Variants in ERC1 observed in about 807,000 individuals in gnomAD.
ERC1 encodes the protein ELKS/RAB6-interacting/CAST family member 1, also known as RAB6 interacting protein 2.
In ERC1, 56 loss-of-function variants were observed where a neutral mutation model predicts 132.0. That is an observed-to-expected ratio of 0.42 (90% CI 0.34 to 0.53). The LOEUF (loss-of-function observed/expected upper bound fraction) is 0.53, where lower values mean the gene tolerates loss of function less well. Among genes scored for constraint, ERC1 ranks in the 20% least tolerant of loss-of-function variants. ERC1 has a pLI of 0.03. For missense variants in ERC1, 1,202 were observed against 1,349.9 expected, an observed-to-expected ratio of 0.89 and a Z score of 1.72; for synonymous variants, 478 against 476.1, an observed-to-expected ratio of 1.00 and a Z score of -0.05.
intron 18 of ERC1, among the ~76,000 whole-genome samples, chr12:1,487,725 TAGAAAG>T (rs1461281097): frequency 1.6e-5 from 2 of 127,742 alleles, no homozygotes; most frequent in African/African-American, 6.1e-5. Context: ...CTCAAATTAA[TAGAAAG>T]AGAGAGAGAG....
intron 1 of ERC1, among the ~76,000 whole-genome samples, chr12:992,196 TA>T (rs761243419): frequency 2.1e-4 from 32 of 152,180 alleles, no homozygotes; most frequent in Non-Finnish European, 4.6e-4. Context: ...AAGATCTCTT[TA>T]TACCACCCTT....
intron 3 of ERC1, among the ~76,000 whole-genome samples, chr12:1,084,191 T>A (rs749058964): frequency 1.3e-5 from 2 of 152,220 alleles, no homozygotes; most frequent in African/African-American, 4.8e-5. Context: ...CTTTTCTAAA[T>A]AATGTATCAT....
At chr12:1,150,255 A>C (rs1274407179) in intron 8 of ERC1, among the ~76,000 whole-genome samples, 1 of 152,218 alleles carries the variant, frequency 6.6e-6, no homozygotes, top group African/African-American at 2.4e-5. Flanking sequence ...TGAACCCTGA[A>C]TTAGCTGGTA....
intron 7 of ERC1, among the ~76,000 whole-genome samples, chr12:1,138,147 TTTATTTAC>T (rs1349077409): frequency 1.7e-4 from 21 of 122,720 alleles, no homozygotes; most frequent in Admixed American, 2.8e-4. Context: ...TATAATTATA[TTTATTTAC>T]ATAATATATA....
rs142252353 is a variant in ERC1 at position 1,410,017 on chromosome 12, A to G, written c.3024+1770A>G. On this transcript the variant is annotated intron_variant, in intron 17 of 18. Coordinates refer to ENST00000360905, the MANE Select transcript of ERC1 (RefSeq NM_178040.4). ...AGCCACCATACCTGGCCCCTCCCAT[A>G]TACTTTAAATCATCTCTAGATTACT... Among the ~76,000 whole-genome samples the G allele has an allele frequency of 4.3e-3, 650 of 152,174 alleles. 4 individuals carry two copies. The highest frequency in any genetic ancestry group is 0.031 in the Middle Eastern group (9 of 294).
At chr12:1,184,365 C>T (rs942256036) in intron 11 of ERC1, among the ~76,000 whole-genome samples, 1 of 151,404 alleles carries the variant, frequency 6.6e-6, no homozygotes, top group Non-Finnish European at 1.5e-5. Context: ...ACTTATTGGG[C>T]CTAGAATTTT....
intron 13 of ERC1, among the ~76,000 whole-genome samples, chr12:1,255,057 T>A (rs2076703666): frequency 6.6e-6 from 1 of 151,988 alleles, no homozygotes; most frequent in South Asian, 2.1e-4. Flanking sequence ...ACCTGTCACC[T>A]ACATTAGCTA....
At chr12:1,079,803 A>G (rs1419980389) in intron 2 of ERC1, among the ~76,000 whole-genome samples, 9 of 147,056 alleles carry the variant, frequency 6.1e-5, no homozygotes, top group Non-Finnish European at 1.2e-4. Context: ...ATATGACAAA[A>G]GTCGATATAC....
intron 13 of ERC1, among the ~76,000 whole-genome samples, chr12:1,242,245 A>G (rs1325826476): frequency 6.6e-6 from 1 of 152,126 alleles, no homozygotes; most frequent in Non-Finnish European, 1.5e-5. Context: ...AGTTTTTTCA[A>G]CAACCTTTGA....
intron 8 of ERC1, among the ~76,000 whole-genome samples, chr12:1,167,040 G>A (rs1030914284): frequency 1.9e-4 from 29 of 152,072 alleles, no homozygotes; most frequent in African/African-American, 7.0e-4. Flanking sequence ...TTGTTAATAC[G>A]CCACATTAAT....
rs1959190784 is a variant in ERC1, at chr12:991,243, G to GTGT, written c.-234_-233insTTG. The GTGT allele has an allele frequency of 6.0e-6, 1 of 166,288 alleles. No individual in the cohort carries two copies. The highest frequency in any genetic ancestry group is 1.2e-5 in the Non-Finnish European group (1 of 81,002). The allele number at this position is 166,288 out of a possible 1,614,324, so 10.3% of individuals were successfully genotyped here. A position where few individuals can be genotyped will look rare whatever the true frequency, so the allele number is the denominator to read the frequency against. ...ACGTCGCGGGCGCCTGGGCCGTGCT[G>GTGT]TGGCGGCGGCGGCGGCGGTAGTGGC... On this transcript the variant is annotated 5_prime_UTR_variant, in exon 1 of 19. Transcript: ENST00000360905.
intron 12 of ERC1, among the ~76,000 whole-genome samples, chr12:1,222,765 C>CT (rs1959109411): frequency 6.6e-6 from 1 of 152,052 alleles, no homozygotes; most frequent in Admixed American, 6.6e-5. Context: ...ACGTATAACA[C>CT]TAACTATATG....
chr12:1,374,527 G>A (rs1271036498), intron 16 of ERC1, among the ~76,000 whole-genome samples: 2 of 152,174 alleles, frequency 1.3e-5, no homozygotes, highest in African/African-American at 4.8e-5. Context: ...GTTCTGTGGT[G>A]GGTGCCAGCC....
At chr12:1,186,841 A>AT (rs1442780535) in intron 11 of ERC1, among the ~76,000 whole-genome samples, 2 of 152,060 alleles carry the variant, frequency 1.3e-5, no homozygotes, top group Non-Finnish European at 2.9e-5. Context: ...ATCTTCATTT[A>AT]TTTTTTTGTG....
intron 2 of ERC1, among the ~76,000 whole-genome samples, chr12:1,079,840 A>G (rs1418563584): frequency 2.0e-5 from 3 of 151,618 alleles, no homozygotes; most frequent in African/African-American, 7.3e-5. Flanking sequence ...ATGATTTGTA[A>G]TATGACAAAA....
Position 1,084,140 on chromosome 12 carries a change from C to T in ERC1, c.1086+560C>T, listed in dbSNP as rs144854292. Among the ~76,000 whole-genome samples the T allele has an allele frequency of 2.6e-3, 389 of 152,306 alleles. 1 individual carries two copies. Among genetic ancestry groups the T allele is most frequent in the African/African-American group, 9.1e-3 (378 of 41,562 alleles). On this transcript the variant is annotated intron_variant, in intron 3 of 18. Transcript: ENST00000360905. ...AGAGTGATGTAGAGACACAGTGTTA[C>T]TTATTTTTAGCTGACCTAGGTGACT... is the stretch of plus-strand genomic sequence containing the variant.
At chr12:1,317,714 A>G (rs980502689) in intron 15 of ERC1, among the ~76,000 whole-genome samples, 6 of 152,216 alleles carry the variant, frequency 3.9e-5, no homozygotes, top group Non-Finnish European at 8.8e-5. Flanking sequence ...GCTGAAAAGG[A>G]TGTGAAAAAG....
At chr12:1,172,840 C>T (rs954393910) in intron 8 of ERC1, among the ~76,000 whole-genome samples, 4 of 152,158 alleles carry the variant, frequency 2.6e-5, no homozygotes, top group South Asian at 4.1e-4. Flanking sequence ...CTCCTTGGTC[C>T]GTCTGTCTGT....
chr12:1,388,925 C>G (rs2089686739), intron 16 of ERC1, among the ~76,000 whole-genome samples: 1 of 152,214 alleles, frequency 6.6e-6, no homozygotes, highest in Non-Finnish European at 1.5e-5. Context: ...CTTGCCGGCT[C>G]TATGAGGAAG....
Sources: allele counts gnomAD v4.1 joint callset (sites outside exome capture counted in the v4.1 genomes callset), GRCh38; gene constraint gnomAD v4.1.1; transcripts MANE v1.5; gene names NCBI Gene and HGNC (gene_info 2026-07-23, HGNC 2026-07-21).